Variants in RTL4 observed in about 807,000 individuals in gnomAD.
RTL4 encodes the protein retrotransposon Gag like 4, also known as retrotransposon Gag-like protein 4.
RTL4 carries 4 observed loss-of-function variants against 5.3 expected under a neutral mutation model. The observed-to-expected ratio is 0.75, with a 90% CI of 0.37 to 1.72. The LOEUF is 1.72. RTL4 is among the 40% of genes most tolerant of loss of function. The pLI is 0.04. For synonymous variants in RTL4, 98 were observed against 87.3 expected (o/e 1.12, Z -0.68); for missense variants, 260 against 227.1 (o/e 1.14, Z -0.93).
the RTL4 span, among the ~76,000 whole-genome samples, chrX:112,086,243 A>T: frequency 8.9e-6 from 1 of 112,349 alleles, no homozygotes; most frequent in African/African-American, 3.2e-5. Flanking sequence ...AGCGTGTGGC[A>T]TTTGTGTCAT....
chrX:112,232,679 T>A, the RTL4 span, among the ~76,000 whole-genome samples: 2 of 112,313 alleles, frequency 1.8e-5, no homozygotes, highest in East Asian at 5.6e-4. Flanking sequence ...TTTTTTAACT[T>A]TCCCATTTGG....
chrX:112,388,166 T>G, the RTL4 span, among the ~76,000 whole-genome samples: 2 of 112,118 alleles, frequency 1.8e-5, no homozygotes, highest in Admixed American at 1.9e-4. Flanking sequence ...CATATTTTAT[T>G]TTTGTGGCAA....
At chrX:112,203,814 A>G in the RTL4 span, among the ~76,000 whole-genome samples, 64 of 112,562 alleles carry the variant, frequency 5.7e-4, no homozygotes, top group African/African-American at 2.0e-3. Flanking sequence ...GATTTTGATA[A>G]TAATTGCTTA....
At chrX:112,115,924 C>CGCAAACCAGG in the RTL4 span, among the ~76,000 whole-genome samples, 1 of 111,936 alleles carries the variant, frequency 8.9e-6, no homozygotes, top group African/African-American at 3.2e-5. Context: ...TTTGAGAGTT[C>CGCAAACCAGG]CTCTCATGGC....
the RTL4 span, among the ~76,000 whole-genome samples, chrX:112,348,000 T>A: frequency 8.9e-6 from 1 of 111,790 alleles, no homozygotes; most frequent in East Asian, 2.8e-4. Context: ...AAGTCATATA[T>A]TTTATGTAAT....
At chrX:112,440,201 A>G in the RTL4 span, among the ~76,000 whole-genome samples, 2 of 111,926 alleles carry the variant, frequency 1.8e-5, no homozygotes, top group Non-Finnish European at 1.9e-5. Context: ...AGAGATATTG[A>G]TTCCATTTTT....
the RTL4 span, among the ~76,000 whole-genome samples, chrX:112,312,464 AC>A: frequency 9.0e-6 from 1 of 111,580 alleles, no homozygotes; most frequent in Admixed American, 9.6e-5. Flanking sequence ...TCCTGGGAGA[AC>A]CTTGGAAAAA....
At chrX:112,441,295 T>A in the RTL4 span, among the ~76,000 whole-genome samples, 1 of 111,301 alleles carries the variant, frequency 9.0e-6, no homozygotes, top group South Asian at 3.8e-4. Context: ...CTACTAATGT[T>A]TGCTTTTCAT....
the RTL4 span, among the ~76,000 whole-genome samples, chrX:112,110,517 T>G: frequency 9.0e-6 from 1 of 111,610 alleles, no homozygotes; most frequent in African/African-American, 3.3e-5. Flanking sequence ...AGGGTCTGAT[T>G]ACCACAAGAT....
the RTL4 span, among the ~76,000 whole-genome samples, chrX:112,204,415 C>A: frequency 8.9e-6 from 1 of 111,891 alleles, no homozygotes; most frequent in Non-Finnish European, 1.9e-5. Flanking sequence ...TGGAAGCAAC[C>A]TAAGTGTTCA....
At chrX:112,455,877 G>A in exon 1 of RTL4, 1 of 396,704 alleles carries the variant, frequency 2.5e-6, no homozygotes, top group Non-Finnish European at 4.4e-6. Context: ...CAATTCACAG[G>A]CACTTTCTGC....
At chrX:112,362,325 T>C in the RTL4 span, among the ~76,000 whole-genome samples, 1 of 111,804 alleles carries the variant, frequency 8.9e-6, no homozygotes, top group Non-Finnish European at 1.9e-5. Flanking sequence ...AGATACACAA[T>C]AAACAAGTGA....
the RTL4 span, among the ~76,000 whole-genome samples, chrX:112,120,413 A>G: frequency 9.0e-6 from 1 of 111,082 alleles, no homozygotes; most frequent in Non-Finnish European, 1.9e-5. Context: ...AGTAGCTGGG[A>G]CTACAGGCGC....
the RTL4 span, among the ~76,000 whole-genome samples, chrX:112,288,037 A>G: frequency 7.0e-3 from 783 of 111,768 alleles, 6 homozygotes; most frequent in African/African-American, 0.013. Context: ...TTTGGAACAA[A>G]TGCTGTGCTT....
chrX:112,420,561 C>T, the RTL4 span, among the ~76,000 whole-genome samples: 7 of 111,265 alleles, frequency 6.3e-5, no homozygotes, highest in African/African-American at 2.0e-4. Flanking sequence ...CCTGGCTCTG[C>T]CACTTAGGTC....
chrX:112,085,405 A>G, the RTL4 span, among the ~76,000 whole-genome samples: 1 of 112,598 alleles, frequency 8.9e-6, no homozygotes, highest in East Asian at 2.8e-4. Flanking sequence ...AGCCTTGACC[A>G]TAGTGGTAAA....
At chrX:112,222,762 C>T in the RTL4 span, among the ~76,000 whole-genome samples, 1 of 111,412 alleles carries the variant, frequency 9.0e-6, no homozygotes, top group Non-Finnish European at 1.9e-5. Flanking sequence ...ATATTCCTTT[C>T]ATTCGTAAGG....
the RTL4 span, among the ~76,000 whole-genome samples, chrX:112,356,243 G>C: frequency 1.8e-5 from 2 of 111,589 alleles, no homozygotes; most frequent in African/African-American, 6.5e-5. Context: ...TGAGAGTCAA[G>C]AAATTGAGGC....
the RTL4 span, among the ~76,000 whole-genome samples, chrX:112,419,595 T>TATATA: frequency 4.6e-4 from 13 of 28,151 alleles, 1 homozygote; most frequent in East Asian, 4.5e-3. Context: ...ATATATATAT[T>TATATA]TTTACATATG....
Sources: gnomAD v4.1 joint callset for allele counts (sites outside exome capture counted in the v4.1 genomes callset) on GRCh38, gnomAD v4.1.1 for gene constraint, MANE v1.5 for transcripts, NCBI Gene and HGNC (gene_info 2026-07-23, HGNC 2026-07-21) for gene names.